Variants in LRCH1 observed in about 807,000 individuals in gnomAD.
The protein encoded by LRCH1 is leucine-rich repeat and calponin homology domain-containing protein 1.
Under a neutral mutation model 94.9 loss-of-function variants are expected in LRCH1, and 23 were observed. That is an observed-to-expected ratio of 0.24 (90% CI 0.17 to 0.34). The LOEUF is 0.34. Ranked by LOEUF, LRCH1 falls within the 10% of genes least tolerant of loss-of-function variation. The pLI, the probability that LRCH1 is intolerant of heterozygous loss-of-function variation, is 1.00. For missense variants in LRCH1, 790 were observed against 945.9 expected (o/e 0.84, Z 2.16); for synonymous variants, 364 against 354.9 (o/e 1.03, Z -0.29).
chr13:46,646,196 CT>C (rs1327905967), intron 1 of LRCH1, among the ~76,000 whole-genome samples: 1 of 152,140 alleles, frequency 6.6e-6, no homozygotes, highest in Non-Finnish European at 1.5e-5. Flanking sequence ...GCTCTTGCTT[CT>C]TAATTCTTTT....
At chr13:46,687,656 T>G (rs954304572) in intron 5 of LRCH1, among the ~76,000 whole-genome samples, 196 bp from the exon 6 acceptor site, 13 of 152,242 alleles carry the variant, frequency 8.5e-5, no homozygotes, top group Non-Finnish European at 7.3e-5. Context: ...AGCATGATTT[T>G]CTATTCAAAG....
At chr13:46,608,766 A>G (rs899832764) in intron 1 of LRCH1, among the ~76,000 whole-genome samples, 7 of 152,202 alleles carry the variant, frequency 4.6e-5, no homozygotes, top group Non-Finnish European at 1.0e-4. Flanking sequence ...TGATTTTGGT[A>G]TAATGTAGTG....
In LRCH1 at chr13:46,667,861, C is replaced by A. The variant is rs147959165; in HGVS notation, c.453-1169C>A. The stretch of plus-strand genomic sequence containing the variant: ...AAAAACCATCCATTGTACCTATACC[C>A]GAAGAGGAGTACCGATAGTATTTTG... On this transcript the variant is annotated intron_variant, in intron 2 of 19. Transcript: ENST00000389797. 7.3e-3 allele frequency among the ~76,000 whole-genome samples: 1,104 copies of A among 152,232 alleles called. 14 individuals carry two copies. The highest frequency in any genetic ancestry group is 0.025 in the African/African-American group (1,056 of 41,526).
chr13:46,593,290 T>A (rs1594270153), intron 1 of LRCH1, among the ~76,000 whole-genome samples: 1 of 147,710 alleles, frequency 6.8e-6, no homozygotes, highest in African/African-American at 2.5e-5. Context: ...TTCCTTTTTT[T>A]TTTTTTTTTT....
chr13:46,554,859 A>G (rs1434264487), intron 1 of LRCH1, among the ~76,000 whole-genome samples: 1 of 152,194 alleles, frequency 6.6e-6, no homozygotes, highest in Non-Finnish European at 1.5e-5. Context: ...TCATCGCCTC[A>G]TGGCCCAGGG....
chr13:46,713,033 AG>A (rs1169925069), intron 15 of LRCH1, among the ~76,000 whole-genome samples: 34 of 152,336 alleles, frequency 2.2e-4, no homozygotes, highest in Admixed American at 6.5e-5. Flanking sequence ...CTCACATAAC[AG>A]AGTGGTCATT....
intron 1 of LRCH1, among the ~76,000 whole-genome samples, chr13:46,580,098 A>G (rs1359447564): frequency 6.6e-6 from 1 of 152,144 alleles, no homozygotes; most frequent in South Asian, 2.1e-4. Context: ...TCTTTATAAC[A>G]TTTGTTCCTC....
chr13:46,712,660 A>C, intron 15 of LRCH1, 63 bp downstream of exon 15: 2 of 1,396,832 alleles, frequency 1.4e-6, no homozygotes, highest in Non-Finnish European at 1.0e-6. Context: ...TGAGCCTTTT[A>C]AGTGTATGCA....
At position 46,703,827 on chromosome 13, in the gene LRCH1, G is replaced by T. The variant is rs138717951; in HGVS notation, c.1401-1241G>T. Among the ~76,000 whole-genome samples, 857 of 152,106 alleles carry T rather than the reference G, an allele frequency of 5.6e-3. 8 individuals carry two copies. Among genetic ancestry groups the T allele is most frequent in the African/African-American group, 0.02 (826 of 41,522 alleles). On this transcript the variant is annotated intron_variant, in intron 11 of 19. Coordinates refer to ENST00000389797, the MANE Select transcript of LRCH1 (RefSeq NM_001164211.2). Reference sequence around the variant, plus strand: ...ATATAGATAGAATTAGGTACCAATTGTGCAGGAAATTTAGAAAAACTGGAA... The same window carrying T: ...ATATAGATAGAATTAGGTACCAATTTTGCAGGAAATTTAGAAAAACTGGAA...
chr13:46,728,579 G>T (rs757942741), intron 17 of LRCH1, among the ~76,000 whole-genome samples: 7 of 152,146 alleles, frequency 4.6e-5, no homozygotes, highest in Non-Finnish European at 8.8e-5. Flanking sequence ...GTCAGATTTG[G>T]TTTTTATTTA....
At chr13:46,612,664 G>T (rs1206671679) in intron 1 of LRCH1, among the ~76,000 whole-genome samples, 1 of 152,058 alleles carries the variant, frequency 6.6e-6, no homozygotes, top group African/African-American at 2.4e-5. Flanking sequence ...TAGCATGCTG[G>T]GACTGTTTGT....
intron 1 of LRCH1, among the ~76,000 whole-genome samples, chr13:46,617,992 G>T (rs1444214123): frequency 6.6e-6 from 1 of 152,118 alleles, no homozygotes; most frequent in Non-Finnish European, 1.5e-5. Flanking sequence ...CCCTGATAAT[G>T]ATACCCTTAG....
At position 46,742,084 on chromosome 13, in the gene LRCH1, A is replaced by G. The variant is rs1167223680; in HGVS notation, c.*236A>G. Reference sequence around the variant, plus strand: ...TACAACGACGACGACTGCAAAGTGTATGCACACCGCATGCTTCCTCATCCA... The same window carrying G: ...TACAACGACGACGACTGCAAAGTGTGTGCACACCGCATGCTTCCTCATCCA... On this transcript the variant is annotated 3_prime_UTR_variant, in exon 20 of 20. Coordinates refer to ENST00000389797, the MANE Select transcript of LRCH1 (RefSeq NM_001164211.2). The G allele has an allele frequency of 2.2e-6, 3 of 1,373,576 alleles. No individual in the cohort carries two copies. The highest frequency in any genetic ancestry group is 2.8e-6 in the Non-Finnish European group (3 of 1,062,498). 85.1% of individuals were successfully genotyped at this position (1,373,576 alleles called of 1,614,324 possible).
intron 17 of LRCH1, among the ~76,000 whole-genome samples, chr13:46,726,524 C>T (rs1048620197): frequency 2.6e-5 from 4 of 152,220 alleles, no homozygotes; most frequent in African/African-American, 7.2e-5. Context: ...TGTGCTACTG[C>T]AGCTGAACAC....
intron 19 of LRCH1, among the ~76,000 whole-genome samples, chr13:46,739,152 T>C (rs1873530605): frequency 6.6e-6 from 1 of 152,260 alleles, no homozygotes; most frequent in African/African-American, 2.4e-5. Flanking sequence ...ATTTAGACTG[T>C]AGTACACCCT....
intron 1 of LRCH1, among the ~76,000 whole-genome samples, chr13:46,604,502 C>G (rs1288095847): frequency 6.6e-6 from 1 of 152,220 alleles, no homozygotes; most frequent in Non-Finnish European, 1.5e-5. Flanking sequence ...GAACAGTTTA[C>G]TTAATGATAG....
intron 1 of LRCH1, among the ~76,000 whole-genome samples, chr13:46,628,835 A>C (rs2050983899): frequency 6.6e-6 from 1 of 152,072 alleles, no homozygotes; most frequent in Admixed American, 6.6e-5. Flanking sequence ...TCGTGGATGA[A>C]CCAACTCCTG....
intron 18 of LRCH1, 127 bp from the exon 19 acceptor site, chr13:46,733,794 G>A (rs1873230862): frequency 7.1e-6 from 4 of 564,808 alleles, no homozygotes; most frequent in Admixed American, 3.6e-5. Flanking sequence ...ATTTGCTTAT[G>A]TGTTATTTTC....
At chr13:46,586,541 C>T (rs1026480558) in intron 1 of LRCH1, among the ~76,000 whole-genome samples, 3 of 152,154 alleles carry the variant, frequency 2.0e-5, no homozygotes, top group Non-Finnish European at 2.9e-5. Context: ...CTCAGCCTCC[C>T]GAATAGCTGG....
Sources: allele counts gnomAD v4.1 joint callset (sites outside exome capture counted in the v4.1 genomes callset), GRCh38; gene constraint gnomAD v4.1.1; transcripts MANE v1.5; gene names NCBI Gene and HGNC (gene_info 2026-07-23, HGNC 2026-07-21).